Variants in ADGRG4 observed in about 807,000 individuals in gnomAD.
ADGRG4 encodes the protein adhesion G protein-coupled receptor G4, also known as G protein-coupled receptor 112.
A neutral mutation model predicts 126.2 loss-of-function variants in ADGRG4; 122 were observed. The observed-to-expected ratio is 0.97, with a 90% CI of 0.83 to 1.12. The LOEUF is 1.12. Ranked by LOEUF, ADGRG4 falls within the 50% of genes most tolerant of loss-of-function variation. The pLI is 0.00. For missense variants in ADGRG4, 2,481 were observed against 2,251.8 expected (o/e 1.10, Z -2.06); for synonymous variants, 943 against 838.7 (o/e 1.12, Z -2.15).
At chrX:136,307,820 A>T (rs2148442834) in intron 3 of ADGRG4, among the ~76,000 whole-genome samples, 1 of 112,767 alleles carries the variant, frequency 8.9e-6, no homozygotes. Context: ...TAGGATTTGC[A>T]GTTTTAACAC....
rs1285400319 is a variant in ADGRG4, at chrX:136,346,707, G to C, written c.3001G>C (p.Ala1001Pro). The C allele has an allele frequency of 1.7e-6, 2 of 1,210,449 alleles. No homozygotes were observed. The highest frequency in any genetic ancestry group is 3.5e-5 in the South Asian group (2 of 56,781). The change falls in exon 6 of 26, where the codon GCT (alanine) becomes CCT (proline). Residue 1001 changes from alanine to proline, a missense_variant. Transcript: ENST00000394143. Reference protein sequence around the residue: ...SDGILPPQPTAAHSSATPVPV... With the variant: ...SDGILPPQPTPAHSSATPVPV... ...TGGTATCTTACCTCCACAGCCTACA[G>C]CTGCTCATTCCTCAGCAACCCCTGT...
rs760138235 is a variant in ADGRG4, at chrX:136,348,880, C to T, written c.5174C>T (p.Ser1725Phe). The change falls in exon 6 of 26, where the codon TCC becomes TTC. Residue 1725 changes from serine to phenylalanine, a missense_variant. Coordinates refer to ENST00000394143, the MANE Select transcript of ADGRG4 (RefSeq NM_153834.4). ...LGILSGITNR[S>F]LSTVNSGTGV... ...ATATTATCTGGGATTACTAACAGGT[C>T]CCTATCTACTGTGAACAGTGGTACA... is the stretch of plus-strand genomic sequence containing the variant. 1.7e-6 allele frequency: 2 copies of T among 1,206,669 alleles called. No individual in the cohort carries two copies. The highest frequency in any genetic ancestry group is 1.1e-6 in the Non-Finnish European group (1 of 891,992).
In ADGRG4 at chrX:136,400,049, G is replaced by A. The variant is rs368806395; in HGVS notation, c.8508G>A (p.Leu2836=). 21 of 1,204,652 alleles carry A rather than the reference G, an allele frequency of 1.7e-5. No homozygotes were observed. Among genetic ancestry groups the A allele is most frequent in the Non-Finnish European group, 2.1e-5 (19 of 890,506 alleles). The change falls in exon 21 of 26, where the codon TTG becomes TTA. Residue 2836 remains leucine (L), a synonymous_variant. Coordinates refer to ENST00000394143, the MANE Select transcript of ADGRG4 (RefSeq NM_153834.4). ...WMGLEAVHMY[L]ALVKVFNIYI... ...GCCTGGAGGCAGTCCACATGTATTTGGCTCTAGTCAAAGTCTTCAACATAT... is the reference window on the plus strand; with the variant it reads ...GCCTGGAGGCAGTCCACATGTATTTAGCTCTAGTCAAAGTCTTCAACATAT...
chrX:136,403,161 T>C (rs967448154), intron 21 of ADGRG4, 83 bp from the exon 22 acceptor site: 2 of 685,517 alleles, frequency 2.9e-6, no homozygotes, highest in African/African-American at 4.2e-5. Context: ...AACAGTGTCT[T>C]AATGTATCAT....
In ADGRG4 at chrX:136,349,278, T is replaced by C; in HGVS notation, c.5572T>C (p.Ser1858Pro). The change falls in exon 6 of 26, where the codon TCC becomes CCC. Residue 1858 changes from serine to proline, a missense_variant. Coordinates refer to ENST00000394143, the MANE Select transcript of ADGRG4 (RefSeq NM_153834.4). The part of the protein sequence containing the change: ...STPKTSPPPT[S>P]QMVEFPVLGT... ...TCCAAAGACCTCTCCTCCTCCCACATCCCAAATGGTTGAATTTCCAGTTCT... is the reference window on the plus strand; with the variant it reads ...TCCAAAGACCTCTCCTCCTCCCACACCCCAAATGGTTGAATTTCCAGTTCT... The C allele has an allele frequency of 8.3e-7, 1 of 1,205,402 alleles. No individual in the cohort carries two copies. Among genetic ancestry groups the C allele is most frequent in the Non-Finnish European group, 1.1e-6 (1 of 890,126 alleles).
At chrX:136,328,265 A>G (rs1451558127) in intron 5 of ADGRG4, among the ~76,000 whole-genome samples, 3 of 111,758 alleles carry the variant, frequency 2.7e-5, no homozygotes, top group Non-Finnish European at 5.6e-5. Context: ...AGTTGTTTCT[A>G]GTTTCTAGCT....
chrX:136,338,341 G>T (rs761392505), intron 5 of ADGRG4, among the ~76,000 whole-genome samples: 122 of 110,086 alleles, frequency 1.1e-3, no homozygotes, highest in African/African-American at 3.5e-3. Flanking sequence ...TAGAAACGGG[G>T]TTTCATCATG....
intron 19 of ADGRG4, among the ~76,000 whole-genome samples, chrX:136,396,281 C>T (rs1476456638): frequency 9.2e-6 from 1 of 108,243 alleles, no homozygotes; most frequent in African/African-American, 3.4e-5. Flanking sequence ...ATACTGTTAT[C>T]TGAATGTGTC....
intron 15 of ADGRG4, among the ~76,000 whole-genome samples, chrX:136,373,797 T>C (rs2075208835): frequency 9.1e-6 from 1 of 110,052 alleles, no homozygotes; most frequent in Admixed American, 9.7e-5. Flanking sequence ...AAACCCCATC[T>C]CCACAAAAAA....
chrX:136,346,375 TAGAAAA>T lies in ADGRG4; in HGVS notation c.2670_2675del (p.Ile890_Lys892delinsMet), dbSNP rs749582582. On this transcript the variant is annotated inframe_deletion, in exon 6 of 26. Coordinates refer to ENST00000394143, the MANE Select transcript of ADGRG4 (RefSeq NM_153834.4). Reference sequence around the variant, plus strand: ...GTCACTGTTTCCTCTTTTCCTGATATAGAAAAGCTAAGTACCCCATTGGATAATAAA... The same window carrying T: ...GTCACTGTTTCCTCTTTTCCTGATATGCTAAGTACCCCATTGGATAATAAA... 4.2e-5 allele frequency: 51 copies of T among 1,207,013 alleles called. No homozygotes were observed. The highest frequency in any genetic ancestry group is 1.5e-4 in the Admixed American group (7 of 45,526).
chrX:136,407,591 C>T (rs377334039), intron 23 of ADGRG4, among the ~76,000 whole-genome samples: 34 of 112,012 alleles, frequency 3.0e-4, no homozygotes, highest in African/African-American at 9.1e-4. Context: ...GGTGGATCAA[C>T]GGAAACTTTT....
chrX:136,391,490 C>T (rs1180517263), intron 16 of ADGRG4, among the ~76,000 whole-genome samples: 1 of 112,558 alleles, frequency 8.9e-6, no homozygotes, highest in East Asian at 2.8e-4. Context: ...TGCCCTGTCA[C>T]CCACTAGCTG....
intron 7 of ADGRG4, among the ~76,000 whole-genome samples, chrX:136,352,661 G>GGCCT (rs1386890804): frequency 9.0e-6 from 1 of 111,315 alleles, no homozygotes; most frequent in Non-Finnish European, 1.9e-5. Flanking sequence ...GTCACTAAAT[G>GGCCT]GCCTCCCAGA....
rs368603202 is a variant in ADGRG4, at chrX:136,406,012, C to T, written c.8935+40C>T. 3 of 1,084,816 alleles carry T rather than the reference C, an allele frequency of 2.8e-6. No homozygotes were observed. In the African/African-American group the frequency reaches 5.5e-5, roughly 20 times the overall value. The allele number at this position is 1,084,816 out of a possible 1,213,427, so 89.4% of individuals were successfully genotyped here. A position where few individuals can be genotyped will look rare whatever the true frequency, so the allele number is the denominator to read the frequency against. ...TTTGCCTTTTCTGTGGCCAGCTACA[C>T]ATGCAGCAAAGCTTTTGTTGCTTTG... On this transcript the variant is annotated intron_variant, in intron 23 of 25. Coordinates refer to ENST00000394143, the MANE Select transcript of ADGRG4 (RefSeq NM_153834.4).
At chrX:136,391,061 GAAGT>G (rs1418381922) in intron 16 of ADGRG4, among the ~76,000 whole-genome samples, 1 of 111,246 alleles carries the variant, frequency 9.0e-6, no homozygotes, top group Non-Finnish European at 1.9e-5. Flanking sequence ...TCAGAAACAG[GAAGT>G]AAGTAGAGTC....
At position 136,399,859 on chromosome X, in the gene ADGRG4, A is replaced by G. The variant is rs1603300422; in HGVS notation, c.8318A>G (p.Lys2773Arg). The G allele has an allele frequency of 8.3e-7, 1 of 1,200,954 alleles. No homozygotes were observed. The highest frequency in any genetic ancestry group is 1.8e-5 in the African/African-American group (1 of 56,844). Residue 2773 changes from lysine (K) to arginine (R), a missense_variant, in exon 21 of 26, where the codon AAA (lysine) becomes AGA (arginine). Physicochemically the swap from Lys to Arg is conservative, Grantham distance 26 (BLOSUM62 2). Transcript: ENST00000394143. ...ACTTTCTCTTTTAGCAAACTTCGAA[A>G]AGATTATCCTGCCAAAATTCTGATC... is the stretch of plus-strand genomic sequence containing the variant. ...VTYIAFHKLR[K>R]DYPAKILINL...
At chrX:136,313,227 G>A (rs899750332) in intron 4 of ADGRG4, among the ~76,000 whole-genome samples, 5 of 111,961 alleles carry the variant, frequency 4.5e-5, no homozygotes, top group African/African-American at 1.3e-4. Context: ...TGAGGAGCAC[G>A]CAGACCATTT....
chrX:136,368,729 TA>T (rs2075174452), intron 13 of ADGRG4, among the ~76,000 whole-genome samples: 1 of 112,615 alleles, frequency 8.9e-6, no homozygotes, highest in African/African-American at 3.2e-5. Flanking sequence ...GATATGTAAA[TA>T]ATCACAAAAG....
chrX:136,347,672 TC>T lies in ADGRG4; in HGVS notation c.3969del (p.Ser1324LeufsTer20). Reference protein sequence around the residue: ...HSPSEIPLGTPSDGNLASSPT... With the variant: ...HSPSEIPLGTXSDGNLASSPT... ...CGCCTTCAGAGATTCCACTTGGGAC[TC>T]CCTCTGATGGAAATTTGGCTTCATC... On this transcript the variant is annotated frameshift_variant, in exon 6 of 26. Transcript: ENST00000394143. LOFTEE classifies it high-confidence loss of function. 8.3e-7 allele frequency: 1 copy of T among 1,210,683 alleles called. No homozygotes were observed. Among genetic ancestry groups the T allele is most frequent in the Non-Finnish European group, 1.1e-6 (1 of 894,744 alleles).
Sources: allele counts gnomAD v4.1 joint callset (sites outside exome capture counted in the v4.1 genomes callset), GRCh38; gene constraint gnomAD v4.1.1; transcripts MANE v1.5; gene names NCBI Gene and HGNC (gene_info 2026-07-23, HGNC 2026-07-21).